PRKN: variants seen among roughly 807,000 people sequenced by gnomAD.
PRKN encodes the protein parkin RBR E3 ubiquitin protein ligase.
In PRKN, 56 loss-of-function variants were observed where a neutral mutation model predicts 59.5. The observed-to-expected ratio is 0.94, with a 90% CI of 0.76 to 1.18. The LOEUF is 1.18. Ranked by LOEUF, PRKN falls within the 50% of genes most tolerant of loss-of-function variation. PRKN has a pLI of 0.00. For synonymous variants in PRKN, 250 were observed against 222.1 expected, an observed-to-expected ratio of 1.13 and a Z score of -1.12; for missense variants, 657 against 596.4, an observed-to-expected ratio of 1.10 and a Z score of -1.06.
intron 1 of PRKN, among the ~76,000 whole-genome samples, chr6:162,695,861 A>T (rs1005715754): frequency 2.6e-5 from 4 of 152,202 alleles, no homozygotes; most frequent in Non-Finnish European, 5.9e-5. Context: ...AGAACTCTTA[A>T]GTACATAGAG....
intron 4 of PRKN, among the ~76,000 whole-genome samples, chr6:162,067,714 A>G (rs1778396681): frequency 6.6e-6 from 1 of 152,166 alleles, no homozygotes; most frequent in Non-Finnish European, 1.5e-5. Flanking sequence ...CATAGTTAAT[A>G]CCATATGTAC....
chr6:161,465,124 CG>C (rs1482637470), intron 9 of PRKN, among the ~76,000 whole-genome samples: 3 of 152,196 alleles, frequency 2.0e-5, no homozygotes, highest in African/African-American at 7.2e-5. Context: ...GCAGTCTAGA[CG>C]GTGAGTCTTC....
At chr6:161,911,519 C>T (rs573093507) in intron 6 of PRKN, among the ~76,000 whole-genome samples, 2 of 152,170 alleles carry the variant, frequency 1.3e-5, no homozygotes, top group African/African-American at 4.8e-5. Context: ...CGGAAAGCCA[C>T]CTTGTGTCCA....
chr6:162,216,805 C>A (rs1777694139), intron 3 of PRKN, among the ~76,000 whole-genome samples: 1 of 152,108 alleles, frequency 6.6e-6, no homozygotes, highest in South Asian at 2.1e-4. Context: ...ATGATTTTGA[C>A]AGCCAGCAAA....
At chr6:162,429,429 A>C (rs1240049434) in intron 2 of PRKN, among the ~76,000 whole-genome samples, 1 of 152,166 alleles carries the variant, frequency 6.6e-6, no homozygotes, top group Non-Finnish European at 1.5e-5. Flanking sequence ...AGAGGAACTC[A>C]AGAGTCCTCA....
At chr6:161,798,420 T>C (rs1790942061) in intron 6 of PRKN, among the ~76,000 whole-genome samples, 1 of 152,152 alleles carries the variant, frequency 6.6e-6, no homozygotes, top group Non-Finnish European at 1.5e-5. Context: ...CGAGGACCTG[T>C]GACATCAGCA....
intron 7 of PRKN, among the ~76,000 whole-genome samples, chr6:161,759,940 G>T (rs1173559799): frequency 6.6e-6 from 1 of 152,026 alleles, no homozygotes; most frequent in Non-Finnish European, 1.5e-5. Context: ...ACAACTGAAG[G>T]ATGTTTATAC....
At chr6:161,975,016 T>A (rs1047778280) in intron 5 of PRKN, among the ~76,000 whole-genome samples, 1 of 152,188 alleles carries the variant, frequency 6.6e-6, no homozygotes, top group Non-Finnish European at 1.5e-5. Context: ...GATGAGACAT[T>A]TGTAGAATGC....
intron 1 of PRKN, among the ~76,000 whole-genome samples, chr6:162,502,128 G>C (rs1405614861): frequency 6.6e-6 from 1 of 152,092 alleles, no homozygotes; most frequent in Non-Finnish European, 1.5e-5. Flanking sequence ...ATCATCATTA[G>C]GATATTTCAG....
chr6:162,201,059 A>G, intron 4 of PRKN, 72 bp downstream of exon 4: 1 of 1,517,030 alleles, frequency 6.6e-7, no homozygotes, highest in African/African-American at 1.4e-5. Context: ...CATCATTAGA[A>G]AAACTGAAAG....
At chr6:162,151,474 C>A (rs908839621) in intron 4 of PRKN, among the ~76,000 whole-genome samples, 1 of 152,180 alleles carries the variant, frequency 6.6e-6, no homozygotes, top group African/African-American at 2.4e-5. Context: ...GTGGTTGAAG[C>A]TAAAATGTTT....
At chr6:161,594,330 T>C (rs111886124) in intron 7 of PRKN, among the ~76,000 whole-genome samples, 2 of 152,130 alleles carry the variant, frequency 1.3e-5, no homozygotes, top group South Asian at 2.1e-4. Flanking sequence ...CTCTGTCTTA[T>C]GAGAGAAACA....
chr6:161,756,830 A>G (rs996326719), intron 7 of PRKN, among the ~76,000 whole-genome samples: 3 of 152,204 alleles, frequency 2.0e-5, no homozygotes, highest in African/African-American at 4.8e-5. Context: ...ATGCTTCATG[A>G]TTTCAACACT....
intron 1 of PRKN, among the ~76,000 whole-genome samples, chr6:162,513,623 A>G (rs1474330596): frequency 6.6e-6 from 1 of 152,218 alleles, no homozygotes; most frequent in African/African-American, 2.4e-5. Context: ...TGGACTGTCA[A>G]AGTTCAAGAC....
rs537492600 is a variant in PRKN at position 162,426,838 on chromosome 6, T to C, written c.171+16472A>G. Among the ~76,000 whole-genome samples the C allele has an allele frequency of 3.0e-4, 46 of 152,338 alleles. 1 individual carries two copies. The South Asian group carries it at 9.1e-3, about 30-fold the overall frequency. On this transcript the variant is annotated intron_variant, in intron 2 of 11. Coordinates refer to ENST00000366898, the MANE Select transcript of PRKN (RefSeq NM_004562.3). ...AAACTTTCACATTAGACACAGAAGA[T>C]ACAAATCATAAACAAAGATGAAGTA...
chr6:161,482,288 C>G (rs184869639), intron 9 of PRKN, among the ~76,000 whole-genome samples: 2 of 149,270 alleles, frequency 1.3e-5, no homozygotes, highest in Non-Finnish European at 2.9e-5. Flanking sequence ...ATTTACTAAC[C>G]AGGTTCTCAT....
intron 3 of PRKN, among the ~76,000 whole-genome samples, chr6:162,226,972 G>A (rs768295798): frequency 2.6e-5 from 4 of 152,182 alleles, no homozygotes; most frequent in African/African-American, 7.2e-5. Flanking sequence ...CTCTTGCTGC[G>A]CTAATGATCC....
intron 2 of PRKN, among the ~76,000 whole-genome samples, chr6:162,276,479 CA>C (rs1173606968): frequency 1.3e-5 from 2 of 152,012 alleles, no homozygotes; most frequent in Non-Finnish European, 2.9e-5. Context: ...TACTTGCATT[CA>C]TTTTTTTGAC....
intron 9 of PRKN, among the ~76,000 whole-genome samples, chr6:161,506,122 G>T (rs966564288): frequency 6.6e-6 from 1 of 151,168 alleles, no homozygotes; most frequent in African/African-American, 2.4e-5. Flanking sequence ...TGGGCAGTAT[G>T]GCCATTTTCA....
Sources: gnomAD v4.1 joint callset for allele counts (sites outside exome capture counted in the v4.1 genomes callset) on GRCh38, gnomAD v4.1.1 for gene constraint, MANE v1.5 for transcripts, NCBI Gene and HGNC (gene_info 2026-07-23, HGNC 2026-07-21) for gene names.